Variants in NAV2 observed in about 807,000 individuals in gnomAD.
The protein encoded by NAV2 is helicase, APC down-regulated 1.
In NAV2, 54 loss-of-function variants were observed where a neutral mutation model predicts 223.2. The ratio of observed to expected loss-of-function variants is 0.24; its 90% CI spans 0.19 to 0.30. NAV2 has a LOEUF of 0.30. Ranked by LOEUF, NAV2 falls within the 10% of genes least tolerant of loss-of-function variation. NAV2 has a pLI of 1.00. For synonymous variants in NAV2, 1,279 were observed against 1,239.3 expected (o/e 1.03, Z -0.67); for missense variants, 2,806 against 3,147.5 (o/e 0.89, Z 2.60).
chr11:19,468,008 G>A (rs1031648094), intron 1 of NAV2, among the ~76,000 whole-genome samples: 5 of 152,136 alleles, frequency 3.3e-5, no homozygotes, highest in African/African-American at 1.2e-4. Context: ...AGGAAGGGAG[G>A]CTTGGGTGGG....
chr11:19,528,741 C>T (rs892242395), intron 1 of NAV2, among the ~76,000 whole-genome samples: 5 of 152,036 alleles, frequency 3.3e-5, no homozygotes, highest in Non-Finnish European at 7.4e-5. Flanking sequence ...ACCATCCTGG[C>T]CAATATGGTG....
intron 37 of NAV2, among the ~76,000 whole-genome samples, chr11:20,117,219 T>C (rs2153730745): frequency 6.8e-6 from 1 of 146,446 alleles, no homozygotes; most frequent in East Asian, 2.3e-4. Context: ...GTAGTTTTTA[T>C]TCCCTCTCCC....
intron 1 of NAV2, among the ~76,000 whole-genome samples, chr11:19,467,018 C>CACACACACACAG (rs982297137): frequency 6.1e-5 from 5 of 82,446 alleles, no homozygotes; most frequent in South Asian, 8.9e-4. Context: ...CACACACACA[C>CACACACACACAG]AGAGAGAGAG....
At chr11:19,867,065 A>C (rs1276505073) in intron 3 of NAV2, among the ~76,000 whole-genome samples, 1 of 152,184 alleles carries the variant, frequency 6.6e-6, no homozygotes, top group East Asian at 1.9e-4. Flanking sequence ...GTATATTACC[A>C]CTGTGTACAA....
At chr11:19,496,451 T>C (rs988598981) in intron 1 of NAV2, among the ~76,000 whole-genome samples, 1 of 152,236 alleles carries the variant, frequency 6.6e-6, no homozygotes, top group African/African-American at 2.4e-5. Context: ...CCCACATGCC[T>C]GGCAAGTTAG....
At chr11:19,369,631 T>C in intron 1 of NAV2, among the ~76,000 whole-genome samples, 1 of 152,166 alleles carries the variant, frequency 6.6e-6, no homozygotes, top group East Asian at 1.9e-4. Context: ...TATGGTTCAC[T>C]AACATTTTAT....
rs577785457 is a variant in NAV2, at chr11:19,697,936, G to A, written c.76-134548G>A. ...CGCTGGGGTCAGTCCTAGAGCAGCTGGCTCTGTGCCTCCTTCCCTGGAAGC... is the reference window on the plus strand; with the variant it reads ...CGCTGGGGTCAGTCCTAGAGCAGCTAGCTCTGTGCCTCCTTCCCTGGAAGC... On this transcript the variant is annotated intron_variant, in intron 1 of 37. Transcript: ENST00000360655. Among the ~76,000 whole-genome samples, 21 of 152,250 alleles carry A rather than the reference G, an allele frequency of 1.4e-4. No homozygotes were observed. The East Asian group carries it at 3.3e-3, about 24-fold the overall frequency.
intron 20 of NAV2, among the ~76,000 whole-genome samples, chr11:20,066,557 G>C (rs2059054357): frequency 6.6e-6 from 1 of 152,138 alleles, no homozygotes; most frequent in African/African-American, 2.4e-5. Context: ...ACCTAGAGGA[G>C]GGGACTTGTG....
intron 5 of NAV2, among the ~76,000 whole-genome samples, chr11:19,891,087 A>G (rs371443616): frequency 1.8e-4 from 28 of 152,248 alleles, no homozygotes; most frequent in African/African-American, 6.5e-4. Context: ...TTACTCTACA[A>G]CCATCTTTCT....
At position 20,118,275 on chromosome 11, in the gene NAV2, A is replaced by G. The variant is rs960531991; in HGVS notation, c.*17A>G. ...ACTCTGTGACAGGGGCCCGGAGCCC[A>G]GCGCCCTCCTCTTCTCCTCACCGCA... is the stretch of plus-strand genomic sequence containing the variant. On this transcript the variant is annotated 3_prime_UTR_variant, in exon 38 of 38. Coordinates refer to ENST00000349880, the MANE Select transcript of NAV2 (RefSeq NM_145117.5). The G allele has an allele frequency of 1.9e-6, 3 of 1,612,766 alleles. No individual in the cohort carries two copies. The African/African-American group carries it at 4.0e-5, about 22-fold the overall frequency.
At chr11:19,923,893 A>AAG (rs908599718) in intron 6 of NAV2, among the ~76,000 whole-genome samples, 1 of 152,202 alleles carries the variant, frequency 6.6e-6, no homozygotes, top group Non-Finnish European at 1.5e-5. Context: ...AAATAAGTTC[A>AAG]AGAGAGAGAA....
At chr11:19,406,155 C>A (rs535153338) in intron 1 of NAV2, among the ~76,000 whole-genome samples, 2 of 152,312 alleles carry the variant, frequency 1.3e-5, no homozygotes, top group South Asian at 4.1e-4. Flanking sequence ...ATTCTCCCCC[C>A]AGGTTACAGC....
At chr11:19,458,272 G>A (rs1305896188) in intron 1 of NAV2, among the ~76,000 whole-genome samples, 1 of 152,236 alleles carries the variant, frequency 6.6e-6, no homozygotes, top group African/African-American at 2.4e-5. Flanking sequence ...GGCAGTGCTT[G>A]TGCTGGGTGA....
chr11:19,780,841 A>G (rs1428412558), intron 1 of NAV2, among the ~76,000 whole-genome samples: 5 of 152,206 alleles, frequency 3.3e-5, no homozygotes, highest in Non-Finnish European at 5.9e-5. Flanking sequence ...CCAAAAGTCA[A>G]TAGTGCCAAG....
At chr11:20,100,025 G>C (rs530883541) in intron 31 of NAV2, among the ~76,000 whole-genome samples, 26 of 152,208 alleles carry the variant, frequency 1.7e-4, no homozygotes, top group Non-Finnish European at 3.2e-4. Flanking sequence ...AGATGCATTG[G>C]GGGGATCTGC....
rs79229419 is a variant in NAV2 at position 19,607,151 on chromosome 11, T to G, written c.76-225333T>G. Among the ~76,000 whole-genome samples, 880 of 152,324 alleles carry G rather than the reference T, an allele frequency of 5.8e-3. 4 individuals are homozygous for G. Among genetic ancestry groups the G allele is most frequent in the African/African-American group, 0.02 (838 of 41,570 alleles). ...TGTGTCCCTGGAGAGTTTGAAGAAGTTGCAGTGGAGATGGCTCCTACCATC... is the reference window on the plus strand; with the variant it reads ...TGTGTCCCTGGAGAGTTTGAAGAAGGTGCAGTGGAGATGGCTCCTACCATC... On this transcript the variant is annotated intron_variant, in intron 1 of 37. Coordinates refer to the NAV2 transcript ENST00000360655.
At chr11:19,389,902 A>G (rs974789746) in intron 1 of NAV2, among the ~76,000 whole-genome samples, 1 of 152,180 alleles carries the variant, frequency 6.6e-6, no homozygotes. Flanking sequence ...AGCTGGTCAG[A>G]CCAGGAAAAC....
At chr11:19,780,359 T>A (rs2056633383) in intron 1 of NAV2, among the ~76,000 whole-genome samples, 1 of 152,062 alleles carries the variant, frequency 6.6e-6, no homozygotes. Flanking sequence ...TCTTACCACC[T>A]TCCCTCCACA....
At chr11:19,468,357 A>G (rs1852443134) in intron 1 of NAV2, among the ~76,000 whole-genome samples, 1 of 152,202 alleles carries the variant, frequency 6.6e-6, no homozygotes. Context: ...TCCAAAATCT[A>G]GGTGTTGGGA....
Sources: allele counts gnomAD v4.1 joint callset (sites outside exome capture counted in the v4.1 genomes callset), GRCh38; gene constraint gnomAD v4.1.1; transcripts MANE v1.5; gene names NCBI Gene and HGNC (gene_info 2026-07-23, HGNC 2026-07-21).